Variants in DCUN1D4 observed in about 807,000 individuals in gnomAD.
DCUN1D4 encodes DCN1-like protein 4.
Under a neutral mutation model 47.9 loss-of-function variants are expected in DCUN1D4, and 22 were observed. The observed-to-expected ratio is 0.46, with a 90% CI of 0.33 to 0.66. The LOEUF (loss-of-function observed/expected upper bound fraction) is 0.66, where lower values mean the gene tolerates loss of function less well. Among genes scored for constraint, DCUN1D4 ranks in the 30% least tolerant of loss-of-function variants. The probability of loss-of-function intolerance (pLI) is 0.02; values close to 1 mark genes in which losing one functional copy is unlikely to be tolerated. For missense variants in DCUN1D4, 301 were observed against 340.8 expected (o/e 0.88, Z 0.92); for synonymous variants, 121 against 112.2 (o/e 1.08, Z -0.50).
At chr4:51,836,046 G>A in the DCUN1D4 span, among the ~76,000 whole-genome samples, 2 of 152,104 alleles carry the variant, frequency 1.3e-5, no homozygotes. Context: ...TTGAGTGCAG[G>A]CTCAGATGTC....
At chr4:51,899,083 A>G (rs1731711666) in intron 7 of DCUN1D4, among the ~76,000 whole-genome samples, 187 bp from the exon 8 acceptor site, 1 of 152,154 alleles carries the variant, frequency 6.6e-6, no homozygotes, top group Non-Finnish European at 1.5e-5. Flanking sequence ...ATGAGTGGTT[A>G]TTTGCTATTC....
At chr4:51,876,365 A>G (rs1474882368) in intron 4 of DCUN1D4, among the ~76,000 whole-genome samples, 3 of 151,970 alleles carry the variant, frequency 2.0e-5, no homozygotes, top group Non-Finnish European at 4.4e-5. Flanking sequence ...GGAATTGAAC[A>G]ATGAGAACAC....
the DCUN1D4 span, among the ~76,000 whole-genome samples, chr4:51,834,991 T>A: frequency 9.2e-5 from 14 of 152,206 alleles, no homozygotes; most frequent in African/African-American, 3.4e-4. Context: ...CTGTGTTTCA[T>A]GTTGCCTGTA....
chr4:51,848,936 T>C (rs1245540486), intron 1 of DCUN1D4, among the ~76,000 whole-genome samples: 1 of 152,222 alleles, frequency 6.6e-6, no homozygotes, highest in Admixed American at 6.5e-5. Context: ...ATTTTAGTTC[T>C]GCCTTCGAGG....
intron 6 of DCUN1D4, chr4:51,886,921 A>C (rs1180388745): frequency 2.3e-6 from 1 of 430,808 alleles, no homozygotes; most frequent in Non-Finnish European, 4.3e-6. Context: ...ATGTGCCTAC[A>C]ATGACGGATC....
At chr4:51,843,791 G>C (rs1577799258) in intron 1 of DCUN1D4, 5 of 196,022 alleles carry the variant, frequency 2.6e-5, no homozygotes, top group Non-Finnish European at 3.5e-5. Context: ...AGAAGGGCTG[G>C]TTGGCGGGGG....
Position 51,886,631 on chromosome 4 carries a change from C to A in DCUN1D4, c.407C>A (p.Pro136Gln). The change falls in exon 6 of 11, where the codon CCA becomes CAA. Residue 136 changes from proline (P) to glutamine (Q), a missense_variant. Pro to Gln is a moderately conservative substitution (Grantham distance 76). Around this residue, in one of 2 missense-constraint regions of DCUN1D4, gnomAD observed 170 missense variants for 234.5 expected, o/e 0.73. Transcript: ENST00000334635. ...TTTTGTGAAGACATTGGTGTTGAAC[C>A]AGAAAACGTGAGTCAAACTTACTGA... is the stretch of plus-strand genomic sequence containing the variant. ...EKFCEDIGVE[P>Q]ENVVMLVLAW... 1 of 1,613,824 alleles carries A rather than the reference C, an allele frequency of 6.2e-7. No homozygotes were observed. The highest frequency in any genetic ancestry group is 1.1e-5 in the South Asian group (1 of 91,044).
intron 1 of DCUN1D4, among the ~76,000 whole-genome samples, chr4:51,851,171 G>A (rs573062854): frequency 1.9e-3 from 286 of 152,284 alleles, no homozygotes; most frequent in African/African-American, 6.4e-3. Flanking sequence ...CATTCAAGGG[G>A]ATTTTTGCTG....
the DCUN1D4 span, among the ~76,000 whole-genome samples, chr4:51,837,037 A>G: frequency 6.6e-6 from 1 of 152,244 alleles, no homozygotes; most frequent in Non-Finnish European, 1.5e-5. Flanking sequence ...AGTAATTGAA[A>G]CAATGCTATA....
chr4:51,871,218 A>G (rs879336842), intron 3 of DCUN1D4, among the ~76,000 whole-genome samples: 2 of 152,234 alleles, frequency 1.3e-5, no homozygotes, highest in Non-Finnish European at 2.9e-5. Context: ...TGGGTCTCAG[A>G]GATGAGTAAC....
chr4:51,913,471 C>T (rs998487002), intron 10 of DCUN1D4, 58 bp from the exon 11 acceptor site: 64 of 1,559,082 alleles, frequency 4.1e-5, no homozygotes, highest in Non-Finnish European at 9.7e-6. Flanking sequence ...AGCTACATTA[C>T]TATTATTATT....
intron 8 of DCUN1D4, among the ~76,000 whole-genome samples, chr4:51,901,542 G>T (rs542509802): frequency 1.3e-5 from 2 of 152,306 alleles, no homozygotes; most frequent in East Asian, 3.9e-4. Context: ...CTGGGCCCTT[G>T]CCTAGAGCCC....
At chr4:51,862,302 C>T (rs1725195326) in intron 1 of DCUN1D4, among the ~76,000 whole-genome samples, 1 of 152,264 alleles carries the variant, frequency 6.6e-6, no homozygotes, top group African/African-American at 2.4e-5. Flanking sequence ...CTACTCAGAA[C>T]TGGATGCCCA....
At position 51,859,062 on chromosome 4, in the gene DCUN1D4, G is replaced by T. The variant is rs538195229; in HGVS notation, c.26-4375G>T. Among the ~76,000 whole-genome samples, 82 of 152,266 alleles carry T rather than the reference G, an allele frequency of 5.4e-4. 1 individual carries two copies. Among genetic ancestry groups the T allele is most frequent in the African/African-American group, 2.0e-3 (81 of 41,518 alleles). Reference sequence around the variant, plus strand: ...TCCAGATGAACTTTAGAATCAATCTGCCAAGCTTGCCTGACTTCCTTCTTT... The same window carrying T: ...TCCAGATGAACTTTAGAATCAATCTTCCAAGCTTGCCTGACTTCCTTCTTT... On this transcript the variant is annotated intron_variant, in intron 1 of 10. Transcript: ENST00000334635.
At chr4:51,858,516 A>C (rs748382652) in intron 1 of DCUN1D4, among the ~76,000 whole-genome samples, 1 of 152,192 alleles carries the variant, frequency 6.6e-6, no homozygotes, top group Admixed American at 6.5e-5. Context: ...TTCCCCTTCC[A>C]TCTGTAACTA....
chr4:51,898,102 GC>G (rs1174124162), intron 7 of DCUN1D4, among the ~76,000 whole-genome samples: 3 of 152,154 alleles, frequency 2.0e-5, no homozygotes, highest in Non-Finnish European at 4.4e-5. Flanking sequence ...TTCCAACCTG[GC>G]CACAGAACTT....
intron 1 of DCUN1D4, among the ~76,000 whole-genome samples, chr4:51,856,678 C>T (rs920261508): frequency 6.6e-6 from 1 of 152,216 alleles, no homozygotes; most frequent in African/African-American, 2.4e-5. Flanking sequence ...TGACTCCGCT[C>T]AAGCTAATAA....
At chr4:51,842,356 A>G (rs888477320), upstream of DCUN1D4, among the ~76,000 whole-genome samples, 7 of 152,172 alleles carry the variant, frequency 4.6e-5, no homozygotes, top group African/African-American at 1.7e-4. Context: ...TGTGACGGAC[A>G]ATGCTCGTGG....
At chr4:51,837,987 G>A in the DCUN1D4 span, among the ~76,000 whole-genome samples, 1 of 152,024 alleles carries the variant, frequency 6.6e-6, no homozygotes, top group East Asian at 1.9e-4. Flanking sequence ...AGACCAGCCT[G>A]ACCAACATGG....
Sources: gnomAD v4.1 joint callset for allele counts (sites outside exome capture counted in the v4.1 genomes callset) on GRCh38, gnomAD v4.1.1 for gene constraint, gnomAD v4.1.1 regional missense constraint, MANE v1.5 for transcripts, NCBI Gene and HGNC (gene_info 2026-07-23, HGNC 2026-07-21) for gene names.